RAB11FIP2: variants seen among roughly 807,000 people sequenced by gnomAD.
RAB11FIP2 encodes the protein RAB11 family interacting protein 2.
Under a neutral mutation model 40.9 loss-of-function variants are expected in RAB11FIP2, and 16 were observed. That is an observed-to-expected ratio of 0.39 (90% CI 0.26 to 0.59). RAB11FIP2 has a LOEUF of 0.59. RAB11FIP2 is among the 20% of genes least tolerant of loss of function. RAB11FIP2 has a pLI of 0.53. For synonymous variants in RAB11FIP2, 228 were observed against 213.7 expected, an observed-to-expected ratio of 1.07 and a Z score of -0.58; for missense variants, 532 against 606.2, an observed-to-expected ratio of 0.88 and a Z score of 1.28.
chr10:118,017,415 G>A (rs1242084491), intron 3 of RAB11FIP2: 1 of 152,168 alleles, frequency 6.6e-6, no homozygotes, highest in Non-Finnish European at 1.5e-5. Context: ...TTCTATCACA[G>A]CAATTAGTCA....
At chr10:118,039,467 TAATC>T (rs1846526202) in intron 2 of RAB11FIP2, 27 bp from the exon 3 acceptor site, 1 of 1,557,952 alleles carries the variant, frequency 6.4e-7, no homozygotes, top group East Asian at 2.2e-5. Flanking sequence ...AGTTAGTACA[TAATC>T]AGTGACACAT....
intron 3 of RAB11FIP2, among the ~76,000 whole-genome samples, chr10:118,021,170 C>T (rs1454061035): frequency 1.3e-5 from 2 of 152,094 alleles, no homozygotes; most frequent in Admixed American, 1.3e-4. Flanking sequence ...AAATTATTTT[C>T]CATTTAGGAT....
At chr10:118,020,968 C>T (rs761139155) in intron 3 of RAB11FIP2, among the ~76,000 whole-genome samples, 1 of 152,178 alleles carries the variant, frequency 6.6e-6, no homozygotes, top group Non-Finnish European at 1.5e-5. Context: ...CAATTTCTGG[C>T]GTATGCTCCA....
At chr10:118,022,862 G>A (rs897193319) in intron 3 of RAB11FIP2, among the ~76,000 whole-genome samples, 2 of 152,144 alleles carry the variant, frequency 1.3e-5, no homozygotes, top group Non-Finnish European at 2.9e-5. Context: ...ACCGGGGTGA[G>A]TTGACTGAGT....
chr10:118,039,686 A>G (rs1589648066), intron 2 of RAB11FIP2: 1 of 445,480 alleles, frequency 2.2e-6, no homozygotes, highest in Non-Finnish European at 4.0e-6. Context: ...CATATAAACT[A>G]TGATGTCAAA....
rs889220586 is a variant in RAB11FIP2 at position 118,006,739 on chromosome 10, G to A, written c.*2259C>T. 2.0e-5 allele frequency: 3 copies of A among 152,048 alleles called. No homozygotes were observed. Among genetic ancestry groups the A allele is most frequent in the African/African-American group, 7.2e-5 (3 of 41,428 alleles). 9.4% of individuals were successfully genotyped at this position (152,048 alleles called of 1,614,324 possible). ...AGCAAATTTTCAGGCAGTGATGAAT[G>A]TATTAATAGATCTAGTTTTAAATAT... On this transcript the variant is annotated 3_prime_UTR_variant, in exon 5 of 5. Transcript: ENST00000355624.
Position 118,044,647 on chromosome 10 carries a change from T to C in RAB11FIP2, c.353+1164A>G, listed in dbSNP as rs182034381. Among the ~76,000 whole-genome samples the C allele has an allele frequency of 3.0e-3, 460 of 152,228 alleles. 2 individuals carry two copies. The highest frequency in any genetic ancestry group is 4.7e-3 in the Non-Finnish European group (320 of 67,974). ...CTTTTACTCCACATATATTAAATCT[T>C]AGGTTAAGACCTGATTTAAAATGAA... is the stretch of plus-strand genomic sequence containing the variant. On this transcript the variant is annotated intron_variant, in intron 1 of 4. Transcript: ENST00000355624.
At chr10:118,018,747 A>G (rs1048462705) in intron 3 of RAB11FIP2, among the ~76,000 whole-genome samples, 2 of 152,180 alleles carry the variant, frequency 1.3e-5, no homozygotes, top group Admixed American at 6.5e-5. Context: ...AAGTAAAGAG[A>G]TAAGAAATAA....
intron 3 of RAB11FIP2, among the ~76,000 whole-genome samples, chr10:118,028,991 T>TA (rs199730881): frequency 6.0e-4 from 87 of 143,958 alleles, no homozygotes; most frequent in Admixed American, 6.2e-4. Context: ...TCCTAGTCTC[T>TA]AAAAAAAAAA....
chr10:118,032,126 G>C (rs1380268296), intron 3 of RAB11FIP2, among the ~76,000 whole-genome samples: 1 of 151,924 alleles, frequency 6.6e-6, no homozygotes, highest in Non-Finnish European at 1.5e-5. Flanking sequence ...CTCTCAAGCA[G>C]AATTCCCTTC....
At chr10:118,012,856 TTC>T (rs1457501394) in intron 4 of RAB11FIP2, among the ~76,000 whole-genome samples, 2 of 152,056 alleles carry the variant, frequency 1.3e-5, no homozygotes, top group African/African-American at 4.8e-5. Context: ...TAAATTTTTC[TTC>T]TCTCTTCCCC....
Position 118,039,034 on chromosome 10 carries a change from A to G in RAB11FIP2, c.1203T>C (p.Asp401=). The G allele has an allele frequency of 6.2e-7, 1 of 1,612,128 alleles. No homozygotes were observed. The highest frequency in any genetic ancestry group is 8.5e-7 in the Non-Finnish European group (1 of 1,179,360). Residue 401 remains aspartate (D), a synonymous_variant, in exon 3 of 5, where the codon GAT becomes GAC. Transcript: ENST00000355624. ...CTGTAAATGGATTGGTTGACTCATAATCAAAATAGTCCTGGCGATTTTCAC... is the reference window on the plus strand; with the variant it reads ...CTGTAAATGGATTGGTTGACTCATAGTCAAAATAGTCCTGGCGATTTTCAC... ...AFSENRQDYF[D]YESTNPFTAK...
Position 118,045,925 on chromosome 10 carries a change from T to C in RAB11FIP2, c.239A>G (p.Tyr80Cys), listed in dbSNP as rs374740923. 3 of 1,614,124 alleles carry C rather than the reference T, an allele frequency of 1.9e-6. No individual in the cohort carries two copies. The highest frequency in any genetic ancestry group is 2.2e-5 in the South Asian group (2 of 91,094). ...GLLIQGSPEK[Y>C]ILFLIVMHRS... ...GTGCATAACTATAAGGAAAAGAATG[T>C]ATTTCTCTGGACTTCCCTGAATTAG... is the stretch of plus-strand genomic sequence containing the variant. Residue 80 changes from tyrosine (Y) to cysteine (C), a missense_variant, in exon 1 of 5, where the codon TAC becomes TGC. Physicochemically the swap from Tyr to Cys is radical, Grantham distance 194 (BLOSUM62 -2). Coordinates refer to ENST00000355624, the MANE Select transcript of RAB11FIP2 (RefSeq NM_014904.3).
intron 1 of RAB11FIP2, chr10:118,045,131 T>C (rs1846610672): frequency 6.6e-6 from 1 of 152,214 alleles, no homozygotes; most frequent in South Asian, 2.1e-4. Context: ...CTACAGCATT[T>C]AATATGGTCT....
At chr10:118,013,584 C>T (rs746564655) in intron 4 of RAB11FIP2, among the ~76,000 whole-genome samples, 3 of 152,068 alleles carry the variant, frequency 2.0e-5, no homozygotes, top group Non-Finnish European at 4.4e-5. Context: ...TGTTCGAATG[C>T]TTTTCTTCAA....
At chr10:118,034,128 T>A in intron 3 of RAB11FIP2, 1 of 683,718 alleles carries the variant, frequency 1.5e-6, no homozygotes, top group South Asian at 1.5e-5. Context: ...CGTACACAAT[T>A]ATGACGATAA....
At chr10:118,017,749 T>C (rs1846238648) in intron 3 of RAB11FIP2, 1 of 152,186 alleles carries the variant, frequency 6.6e-6, no homozygotes, top group African/African-American at 2.4e-5. Context: ...TGAACAGTAT[T>C]ATGACTATAC....
At chr10:118,025,250 C>A (rs1229935519) in intron 3 of RAB11FIP2, among the ~76,000 whole-genome samples, 1 of 152,154 alleles carries the variant, frequency 6.6e-6, no homozygotes, top group South Asian at 2.1e-4. Flanking sequence ...GTACATTATC[C>A]TATCCAACTT....
intron 3 of RAB11FIP2, among the ~76,000 whole-genome samples, chr10:118,031,184 T>C (rs1035508428): frequency 6.6e-6 from 1 of 152,126 alleles, no homozygotes; most frequent in Non-Finnish European, 1.5e-5. Context: ...AATATTGCTA[T>C]TAAAACAAAT....
Sources: gnomAD v4.1 joint callset for allele counts (sites outside exome capture counted in the v4.1 genomes callset) on GRCh38, gnomAD v4.1.1 for gene constraint, MANE v1.5 for transcripts, NCBI Gene and HGNC (gene_info 2026-07-23, HGNC 2026-07-21) for gene names.